CTSD: variants seen among roughly 807,000 people sequenced by gnomAD.
The protein encoded by CTSD is ceroid-lipofuscinosis, neuronal 10.
Under a neutral mutation model 43.6 loss-of-function variants are expected in CTSD, and 28 were observed. The observed-to-expected ratio is 0.64, with a 90% CI of 0.48 to 0.88. The LOEUF is 0.88. CTSD is among the 40% of genes least tolerant of loss of function. The pLI is 0.00. For missense variants in CTSD, 485 were observed against 555.2 expected (o/e 0.87, Z 1.27); for synonymous variants, 270 against 249.8 (o/e 1.08, Z -0.76).
At chr11:1,759,135 C>A in intron 3 of CTSD, 48 bp from the exon 4 acceptor site, 4 of 1,393,812 alleles carry the variant, frequency 2.9e-6, no homozygotes, top group South Asian at 1.2e-5. Context: ...CAGCCCACGC[C>A]ACGGCCTTAG....
rs114051835 is a variant in CTSD at position 1,761,348 on chromosome 11, G to A, written c.189C>T (p.Thr63=). 2.3e-3 allele frequency: 3,686 copies of A among 1,613,750 alleles called. 72 individuals carry two copies. The African/African-American group carries it at 0.042, about 18-fold the overall frequency. ...SKYSQAVPAV[T]EGPIPEVLKN... is the part of the protein sequence containing the mutation. ...TGAGCACCTCGGGAATGGGCCCCTC[G>A]GTCACGGCTGGCACCGCCTGGGAGT... Residue 63 remains threonine, a synonymous_variant, in exon 2 of 9, where the codon ACC becomes ACT. Coordinates refer to ENST00000236671, the MANE Select transcript of CTSD (RefSeq NM_001909.5).
chr11:1,753,594 C>A lies in CTSD; in HGVS notation c.1148G>T (p.Trp383Leu). 2 of 1,613,088 alleles carry A rather than the reference C, an allele frequency of 1.2e-6. No individual in the cohort carries two copies. Among genetic ancestry groups the A allele is most frequent in the Non-Finnish European group, 1.7e-6 (2 of 1,179,924 alleles). Residue 383 changes from tryptophan to leucine, a missense_variant, in exon 9 of 9, where the codon TGG (tryptophan) becomes TTG (leucine). Trp to Leu is a moderately conservative substitution (Grantham distance 61, BLOSUM62 -2). Transcript: ENST00000236671. ...MDIPPPSGPL[W>L]ILGDVFIGRY... ...GCCGATGAAGACGTCGCCCAGGATC[C>A]AGAGTGGCCCGCTGGGTGGCGGGAT...
intron 6 of CTSD, chr11:1,754,339 A>T: frequency 1.3e-5 from 5 of 395,700 alleles, no homozygotes; most frequent in East Asian, 5.0e-5. Context: ...GGAGACCCTC[A>T]GGTGGTGGTG....
At chr11:1,754,621 G>A (rs139197476) in intron 6 of CTSD, among the ~76,000 whole-genome samples, 3 of 145,740 alleles carry the variant, frequency 2.1e-5, no homozygotes, top group Non-Finnish European at 4.5e-5. Context: ...AGGGGATGGA[G>A]GGCATGGAGG....
At chr11:1,755,916 A>G (rs1287071075) in intron 5 of CTSD, among the ~76,000 whole-genome samples, 3 of 151,416 alleles carry the variant, frequency 2.0e-5, no homozygotes, top group Non-Finnish European at 2.9e-5. Context: ...TCTCCTCACC[A>G]AACATGCTTT....
At chr11:1,754,690 G>A (rs920633139) in intron 6 of CTSD, among the ~76,000 whole-genome samples, 13 of 150,510 alleles carry the variant, frequency 8.6e-5, no homozygotes, top group Admixed American at 7.3e-4. Context: ...GAAATGGAGG[G>A]ATGGAGGGAT....
In CTSD at chr11:1,761,487, G is replaced by A. The variant is rs767002768; in HGVS notation, c.69-19C>T. On this transcript the variant is annotated intron_variant, in intron 1 of 8. Coordinates refer to ENST00000236671, the MANE Select transcript of CTSD (RefSeq NM_001909.5). ...CGGGATCCTGTCAACCACGGGTCGG[G>A]GCATATCAGGGAGGCCCTCCCGCCT... 5.6e-6 allele frequency: 9 copies of A among 1,613,486 alleles called. No homozygotes were observed. In the South Asian group the frequency reaches 9.9e-5, roughly 18 times the overall value.
At chr11:1,763,709 G>T in intron 1 of CTSD, 83 bp downstream of exon 1, 3 of 1,306,064 alleles carry the variant, frequency 2.3e-6, no homozygotes, top group Non-Finnish European at 3.1e-6. Context: ...GGGCCACAGG[G>T]GAGCGCGAAA....
At position 1,753,824 on chromosome 11, in the gene CTSD, G is replaced by A; in HGVS notation, c.1050C>T (p.Ser350=). 2 of 1,613,634 alleles carry A rather than the reference G, an allele frequency of 1.2e-6. No individual in the cohort carries two copies. The highest frequency in any genetic ancestry group is 1.7e-5 in the Admixed American group (1 of 60,012). The stretch of plus-strand genomic sequence containing the variant: ...TCACCTTGAGCGTGTAGTCCTCTGG[G>A]GACAGCTTGTAGCCTTTGCCTCCCA... The part of the protein sequence containing the change: ...LKLGGKGYKL[S]PEDYTLKVSQ... Residue 350 remains serine, a synonymous_variant, in exon 8 of 9, where the codon TCC becomes TCT. Transcript: ENST00000236671.
chr11:1,761,028 C>G (rs1165622841), intron 2 of CTSD: 1 of 484,148 alleles, frequency 2.1e-6, no homozygotes, highest in Non-Finnish European at 3.8e-6. Flanking sequence ...CAGGCAGGCC[C>G]AAGGACCGCC....
At chr11:1,757,809 AC>A (rs1203826618) in intron 4 of CTSD, among the ~76,000 whole-genome samples, 1 of 152,136 alleles carries the variant, frequency 6.6e-6, no homozygotes, top group Non-Finnish European at 1.5e-5. Context: ...AGGAGCACAG[AC>A]GGGCAGGCCC....
intron 2 of CTSD, among the ~76,000 whole-genome samples, chr11:1,759,945 G>A (rs1388359666): frequency 6.6e-6 from 1 of 152,234 alleles, no homozygotes; most frequent in Admixed American, 6.5e-5. Flanking sequence ...AAGGCCAGAG[G>A]TCAAGCCAGG....
At chr11:1,757,247 G>A (rs1845820527) in intron 5 of CTSD, 77 bp downstream of exon 5, 5 of 1,180,832 alleles carry the variant, frequency 4.2e-6, no homozygotes, top group Non-Finnish European at 6.2e-6. Context: ...CACTGAGAGG[G>A]GGTGCCTAGA....
chr11:1,763,761 C>A (rs761497344), intron 1 of CTSD, 31 bp downstream of exon 1: 4 of 1,516,730 alleles, frequency 2.6e-6, no homozygotes, highest in Non-Finnish European at 2.6e-6. Flanking sequence ...GACCCCTGCC[C>A]GTCCCTGAGC....
At chr11:1,754,503 G>C (rs1255147641) in intron 6 of CTSD, among the ~76,000 whole-genome samples, 2 of 103,872 alleles carry the variant, frequency 1.9e-5, no homozygotes, top group Non-Finnish European at 4.2e-5. Flanking sequence ...GGGATGTGGG[G>C]ATGGAGGGAT....
At chr11:1,757,862 A>C in intron 4 of CTSD, 1 of 456,094 alleles carries the variant, frequency 2.2e-6, no homozygotes, top group Non-Finnish European at 4.1e-6. Flanking sequence ...CCCACCACCA[A>C]TGACAGGCAG....
chr11:1,758,591 C>A (rs1456333075), intron 4 of CTSD, among the ~76,000 whole-genome samples: 2 of 152,132 alleles, frequency 1.3e-5, no homozygotes, highest in Non-Finnish European at 1.5e-5. Context: ...ATCCTCCCAA[C>A]CCCAAGCCTC....
chr11:1,763,852 G>T lies in CTSD; in HGVS notation c.8C>A (p.Pro3His), dbSNP rs757712173. The stretch of plus-strand genomic sequence containing the variant: ...GAGGGCGAGCGGCAGAAGGCTGGAG[G>T]GCTGCATGGCGGCGGCGGCCGGGTC... Reference protein sequence around the residue: MQPSSLLPLALCL... With the variant: MQHSSLLPLALCL... Residue 3 changes from proline (P) to histidine (H), a missense_variant, in exon 1 of 9, where the codon CCC becomes CAC. Pro to His is a moderately conservative substitution (Grantham distance 77). Transcript: ENST00000236671. The T allele has an allele frequency of 6.6e-7, 1 of 1,524,822 alleles. No individual in the cohort carries two copies. Among genetic ancestry groups the T allele is most frequent in the Admixed American group, 2.0e-5 (1 of 50,146 alleles). 94.5% of individuals were successfully genotyped at this position (1,524,822 alleles called of 1,614,324 possible). A position where few individuals can be genotyped will look rare whatever the true frequency, so the allele number is the denominator to read the frequency against.
intron 2 of CTSD, 86 bp downstream of exon 2, chr11:1,761,223 A>G: frequency 3.3e-6 from 5 of 1,492,690 alleles, no homozygotes; most frequent in Non-Finnish European, 4.7e-6. Context: ...GCTGCTGAGA[A>G]CAGGAGGTGG....
Sources: allele counts gnomAD v4.1 joint callset (sites outside exome capture counted in the v4.1 genomes callset), GRCh38; gene constraint gnomAD v4.1.1; transcripts MANE v1.5; gene names NCBI Gene and HGNC (gene_info 2026-07-23, HGNC 2026-07-21).